PPFIA2: variants seen among roughly 807,000 people sequenced by gnomAD.
PPFIA2 encodes liprin-alpha-2.
In PPFIA2, 46 loss-of-function variants were observed where a neutral mutation model predicts 175.5. That is an observed-to-expected ratio of 0.26 (90% CI 0.21 to 0.34). The LOEUF is 0.34. Ranked by LOEUF, PPFIA2 falls within the 10% of genes least tolerant of loss-of-function variation. PPFIA2 has a pLI of 1.00. For synonymous variants in PPFIA2, 568 were observed against 511.4 expected, an observed-to-expected ratio of 1.11 and a Z score of -1.49; for missense variants, 1,179 against 1,506.1, an observed-to-expected ratio of 0.78 and a Z score of 3.60.
chr12:81,569,303 T>C (rs2072007150), intron 4 of PPFIA2, among the ~76,000 whole-genome samples: 1 of 152,182 alleles, frequency 6.6e-6, no homozygotes, highest in Admixed American at 6.5e-5. Flanking sequence ...GGTTCTGCTG[T>C]ACAAATGAGA....
chr12:81,278,054 T>G lies in PPFIA2; in HGVS notation c.3213-640A>C, dbSNP rs193004387. ...AGCATCATGAACAAAAGATTGCAGA[T>G]GGAAATTTAAAGGTGTGGTTAGCGA... On this transcript the variant is annotated intron_variant, in intron 27 of 32. Coordinates refer to ENST00000549396, the MANE Select transcript of PPFIA2 (RefSeq NM_003625.5). Among the ~76,000 whole-genome samples, 223 of 152,132 alleles carry G rather than the reference T, an allele frequency of 1.5e-3. 2 individuals carry two copies. Among genetic ancestry groups the G allele is most frequent in the African/African-American group, 5.0e-3 (209 of 41,492 alleles).
At chr12:81,355,391 T>C (rs1196243275) in intron 16 of PPFIA2, among the ~76,000 whole-genome samples, 1 of 152,164 alleles carries the variant, frequency 6.6e-6, no homozygotes, top group East Asian at 1.9e-4. Flanking sequence ...TTAGCAGAAT[T>C]CTTGAAGACC....
At chr12:81,521,893 C>T (rs2063198658) in intron 4 of PPFIA2, among the ~76,000 whole-genome samples, 1 of 151,488 alleles carries the variant, frequency 6.6e-6, no homozygotes, top group African/African-American at 2.4e-5. Context: ...TAAATTGCAT[C>T]CAGGACTGCT....
intron 4 of PPFIA2, among the ~76,000 whole-genome samples, chr12:81,585,176 G>A (rs1437292430): frequency 6.7e-6 from 1 of 148,154 alleles, no homozygotes; most frequent in Non-Finnish European, 1.5e-5. Flanking sequence ...GAGCTTGCAG[G>A]ACTGCAAATT....
chr12:81,341,264 G>T, intron 19 of PPFIA2, 56 bp from the exon 20 acceptor site: 1 of 1,527,046 alleles, frequency 6.5e-7, no homozygotes, highest in East Asian at 2.3e-5. Flanking sequence ...AGTTGAAATT[G>T]ACACAAATGG....
At chr12:81,724,617 G>C (rs1186804698) in intron 3 of PPFIA2, among the ~76,000 whole-genome samples, 1 of 150,766 alleles carries the variant, frequency 6.6e-6, no homozygotes, top group Non-Finnish European at 1.5e-5. Context: ...TAAGACAATG[G>C]CCTCCAGTTC....
At position 81,754,051 on chromosome 12, in the gene PPFIA2, T is replaced by C. The variant is rs777459582; in HGVS notation, c.171A>G (p.Ser57=). 1 of 1,613,844 alleles carries C rather than the reference T, an allele frequency of 6.2e-7. No homozygotes were observed. The highest frequency in any genetic ancestry group is 8.5e-7 in the Non-Finnish European group (1 of 1,179,844). Residue 57 remains serine (S), a synonymous_variant, in exon 3 of 33, where the codon TCA becomes TCG. Transcript: ENST00000549396. The part of the protein sequence containing the change: ...DTLRETQESL[S]LAQQRLQDVI... ...CATCCTGAAGTCTTTGCTGGGCAAGTGAGAGGCTTTCCTGGGTCTCCCGAA... is the reference window on the plus strand; with the variant it reads ...CATCCTGAAGTCTTTGCTGGGCAAGCGAGAGGCTTTCCTGGGTCTCCCGAA...
At position 81,642,717 on chromosome 12, in the gene PPFIA2, T is replaced by TA. The variant is rs1407968415; in HGVS notation, c.303+34073_303+34074insT. 2.2e-5 allele frequency among the ~76,000 whole-genome samples: 2 copies of TA among 89,994 alleles called. 1 individual carries two copies. Among genetic ancestry groups the TA allele is most frequent in the African/African-American group, 7.7e-5 (2 of 25,890 alleles). The allele number at this position is 89,994 out of a possible 152,430, so 59.0% of individuals were successfully genotyped here. A position where few individuals can be genotyped will look rare whatever the true frequency, so the allele number is the denominator to read the frequency against. ...ACATACATGTATATGTATGTATGTA[T>TA]TATATACATACATGTATATGTATGT... On this transcript the variant is annotated intron_variant, in intron 4 of 32. Transcript: ENST00000549396.
chr12:81,270,063 C>A (rs1431109417), intron 28 of PPFIA2, among the ~76,000 whole-genome samples: 1 of 151,998 alleles, frequency 6.6e-6, no homozygotes, highest in Non-Finnish European at 1.5e-5. Flanking sequence ...TCCCCAAAAA[C>A]CTATTGAAAT....
chr12:81,267,338 AGT>A (rs1234671415), intron 29 of PPFIA2: 1 of 401,940 alleles, frequency 2.5e-6, no homozygotes, highest in African/African-American at 2.1e-5. Flanking sequence ...CAAAATAAAA[AGT>A]GAAACGAGAC....
chr12:81,534,644 C>T lies in PPFIA2; in HGVS notation c.304-76778G>A, dbSNP rs1271411231. Among the ~76,000 whole-genome samples the T allele has an allele frequency of 6.6e-5, 10 of 151,636 alleles. No individual in the cohort carries two copies. In the Admixed American group the frequency reaches 6.6e-4, roughly 10 times the overall value. ...TAACTCAAAAATTCATAGCAAGGCACTCTTTCAAGAGGGAGAAAAAGAACT... is the reference window on the plus strand; with the variant it reads ...TAACTCAAAAATTCATAGCAAGGCATTCTTTCAAGAGGGAGAAAAAGAACT... On this transcript the variant is annotated intron_variant, in intron 4 of 32. Coordinates refer to ENST00000549396, the MANE Select transcript of PPFIA2 (RefSeq NM_003625.5).
At chr12:81,305,207 T>G (rs1306324926) in intron 22 of PPFIA2, among the ~76,000 whole-genome samples, 2 of 152,158 alleles carry the variant, frequency 1.3e-5, no homozygotes, top group Non-Finnish European at 2.9e-5. Flanking sequence ...TCTCAATTTA[T>G]AAGAACTAAA....
At chr12:81,352,102 C>T (rs1479113776) in intron 17 of PPFIA2, among the ~76,000 whole-genome samples, 2 of 151,978 alleles carry the variant, frequency 1.3e-5, no homozygotes, top group Non-Finnish European at 2.9e-5. Context: ...TTTTATCTCC[C>T]ACCTTCAATT....
intron 18 of PPFIA2, among the ~76,000 whole-genome samples, chr12:81,346,939 AT>A (rs914140820): frequency 1.3e-4 from 19 of 151,580 alleles, no homozygotes; most frequent in Non-Finnish European, 2.4e-4. Context: ...ATTTTATTTT[AT>A]TTTTTTCAAG....
At chr12:81,749,474 C>T (rs1050764885) in intron 3 of PPFIA2, among the ~76,000 whole-genome samples, 2 of 143,658 alleles carry the variant, frequency 1.4e-5, no homozygotes, top group African/African-American at 4.9e-5. Flanking sequence ...CTACATATGA[C>T]ATTTTGCAAC....
At chr12:81,410,483 T>TATA (rs2043736496) in intron 7 of PPFIA2, among the ~76,000 whole-genome samples, 1 of 152,010 alleles carries the variant, frequency 6.6e-6, no homozygotes, top group Non-Finnish European at 1.5e-5. Flanking sequence ...GGAGGCAAAG[T>TATA]TTTGCATATA....
intron 4 of PPFIA2, among the ~76,000 whole-genome samples, chr12:81,604,507 A>G (rs1567539053): frequency 6.6e-6 from 1 of 151,670 alleles, no homozygotes; most frequent in Non-Finnish European, 1.5e-5. Flanking sequence ...AGTTTGCCAA[A>G]TAGCTTTCCA....
intron 17 of PPFIA2, among the ~76,000 whole-genome samples, chr12:81,352,048 A>T (rs2140898863): frequency 6.6e-6 from 1 of 152,260 alleles, no homozygotes; most frequent in African/African-American, 2.4e-5. Context: ...GGCAGAGAAG[A>T]GGACTCTATC....
At chr12:81,445,206 T>TG (rs536566949) in intron 6 of PPFIA2, among the ~76,000 whole-genome samples, 2,168 of 20,602 alleles carry the variant, frequency 0.11, 46 homozygotes, top group Non-Finnish European at 0.17. Flanking sequence ...AAGACCAAGG[T>TG]GGGGGGGGGG....
Sources: gnomAD v4.1 joint callset for allele counts (sites outside exome capture counted in the v4.1 genomes callset) on GRCh38, gnomAD v4.1.1 for gene constraint, MANE v1.5 for transcripts, NCBI Gene and HGNC (gene_info 2026-07-23, HGNC 2026-07-21) for gene names.